Variants in RALYL observed in about 807,000 individuals in gnomAD.
The protein encoded by RALYL is RALY RNA binding protein like.
In RALYL, 29 loss-of-function variants were observed where a neutral mutation model predicts 35.1. That is an observed-to-expected ratio of 0.83 (90% CI 0.61 to 1.13). The LOEUF (loss-of-function observed/expected upper bound fraction) is 1.13. RALYL is among the 50% of genes most tolerant of loss of function. RALYL has a pLI of 0.00. For missense variants in RALYL, 359 were observed against 360.4 expected (o/e 1.00, Z 0.03); for synonymous variants, 120 against 127.6 (o/e 0.94, Z 0.40).
chr8:84,467,801 G>T (rs1041771397), intron 1 of RALYL, among the ~76,000 whole-genome samples: 2 of 142,644 alleles, frequency 1.4e-5, no homozygotes, highest in Non-Finnish European at 3.1e-5. Context: ...GGTCACTCAG[G>T]ACTTGCTTTA....
chr8:84,219,265 A>G (rs1484929565), intron 1 of RALYL, among the ~76,000 whole-genome samples: 1 of 152,018 alleles, frequency 6.6e-6, no homozygotes, highest in Non-Finnish European at 1.5e-5. Context: ...AGTTCTCACA[A>G]GAACTGATGG....
At chr8:84,262,590 A>T (rs1031970249) in intron 1 of RALYL, among the ~76,000 whole-genome samples, 1 of 152,190 alleles carries the variant, frequency 6.6e-6, no homozygotes, top group Non-Finnish European at 1.5e-5. Context: ...CCTGTTCTGT[A>T]AAATAACTGG....
chr8:84,229,325 C>T (rs946622612), intron 1 of RALYL, among the ~76,000 whole-genome samples: 1 of 152,136 alleles, frequency 6.6e-6, no homozygotes, highest in African/African-American at 2.4e-5. Flanking sequence ...AGCAAGATTT[C>T]ACAGAGGCAG....
intron 1 of RALYL, among the ~76,000 whole-genome samples, chr8:84,400,070 C>A (rs547456337): frequency 1.3e-5 from 2 of 152,064 alleles, no homozygotes; most frequent in East Asian, 3.9e-4. Context: ...GAGTCAAGAT[C>A]GTGCCACTGC....
At chr8:84,518,296 G>T (rs1379015276) in intron 1 of RALYL, among the ~76,000 whole-genome samples, 1 of 151,966 alleles carries the variant, frequency 6.6e-6, no homozygotes, top group Non-Finnish European at 1.5e-5. Flanking sequence ...ACATTTCTTA[G>T]AATTTTCCAA....
intron 2 of RALYL, among the ~76,000 whole-genome samples, chr8:84,720,401 G>T (rs549822898): frequency 6.6e-6 from 1 of 152,260 alleles, no homozygotes; most frequent in African/African-American, 2.4e-5. Context: ...ATGTAGTGGG[G>T]AAAAGACAAC....
intron 2 of RALYL, among the ~76,000 whole-genome samples, chr8:84,624,413 G>C (rs992471370): frequency 6.6e-6 from 1 of 152,112 alleles, no homozygotes; most frequent in Non-Finnish European, 1.5e-5. Flanking sequence ...TGTCTTTTCT[G>C]ATTTTTAAAG....
chr8:84,874,828 T>C (rs533938401), intron 7 of RALYL, among the ~76,000 whole-genome samples: 1 of 152,326 alleles, frequency 6.6e-6, no homozygotes, highest in African/African-American at 2.4e-5. Flanking sequence ...GTAAACTATA[T>C]AGCACAGAGT....
At chr8:84,478,213 T>C (rs2053638224) in intron 1 of RALYL, among the ~76,000 whole-genome samples, 1 of 152,134 alleles carries the variant, frequency 6.6e-6, no homozygotes, top group Non-Finnish European at 1.5e-5. Flanking sequence ...GTAATGTTTA[T>C]GTCTTAATGA....
intron 4 of RALYL, among the ~76,000 whole-genome samples, chr8:84,822,360 T>C (rs1459190552): frequency 6.6e-6 from 1 of 152,140 alleles, no homozygotes; most frequent in East Asian, 1.9e-4. Flanking sequence ...AAAGCATTCA[T>C]TCCTAATTAA....
chr8:84,328,066 GCTGT>G (rs1235432189), intron 1 of RALYL, among the ~76,000 whole-genome samples: 1 of 152,144 alleles, frequency 6.6e-6, no homozygotes, highest in Non-Finnish European at 1.5e-5. Flanking sequence ...AGTTTTTGAG[GCTGT>G]CTTTCATAGT....
At chr8:84,409,075 C>T (rs1209664947) in intron 1 of RALYL, among the ~76,000 whole-genome samples, 1 of 151,876 alleles carries the variant, frequency 6.6e-6, no homozygotes, top group East Asian at 1.9e-4. Flanking sequence ...GTAATTTTGA[C>T]CTCCCCAAGT....
At chr8:84,423,036 G>C (rs1474453009) in intron 1 of RALYL, among the ~76,000 whole-genome samples, 2 of 150,120 alleles carry the variant, frequency 1.3e-5, no homozygotes, top group Non-Finnish European at 3.0e-5. Context: ...TTGATTTGGG[G>C]TGGACAGTTC....
rs1478175351 is a variant in RALYL, at chr8:84,584,386, C to T, written c.256+54809C>T. Among the ~76,000 whole-genome samples, 7 of 152,172 alleles carry T rather than the reference C, an allele frequency of 4.6e-5. No individual in the cohort carries two copies. The South Asian group carries it at 1.0e-3, about 23-fold the overall frequency. ...TTGGCAGGCTGAGGCAAGTGGATCA[C>T]GTGGTCAAGAGATAGAGACCACCCT... is the stretch of plus-strand genomic sequence containing the variant. On this transcript the variant is annotated intron_variant, in intron 2 of 8. Coordinates refer to ENST00000521268, the MANE Select transcript of RALYL (RefSeq NM_173848.7).
chr8:84,906,838 C>T (rs1375843562), intron 8 of RALYL: 11 of 442,340 alleles, frequency 2.5e-5, no homozygotes, highest in South Asian at 9.6e-5. Context: ...TGGTTCTCCC[C>T]TCATTAAGTC....
intron 2 of RALYL, among the ~76,000 whole-genome samples, chr8:84,708,325 T>C (rs1267498139): frequency 1.3e-5 from 2 of 152,106 alleles, no homozygotes; most frequent in Admixed American, 1.3e-4. Flanking sequence ...TGAGATTAGT[T>C]ATTTATAATT....
chr8:84,261,937 C>T (rs138365172), intron 1 of RALYL, among the ~76,000 whole-genome samples: 2,516 of 152,112 alleles, frequency 0.017, 24 homozygotes, highest in Middle Eastern at 0.048. Context: ...TGCTCAATTG[C>T]CTTGCAATAG....
At chr8:84,253,431 A>G (rs1040913238) in intron 1 of RALYL, among the ~76,000 whole-genome samples, 14 of 149,908 alleles carry the variant, frequency 9.3e-5, no homozygotes, top group African/African-American at 3.2e-4. Context: ...ACATCTCCCA[A>G]TCTCGTGATC....
chr8:84,666,891 G>T (rs537859591), intron 2 of RALYL, among the ~76,000 whole-genome samples: 17 of 152,164 alleles, frequency 1.1e-4, no homozygotes, highest in Non-Finnish European at 1.5e-5. Context: ...TGTGTGCTGG[G>T]CACTCTGGTG....
Sources: gnomAD v4.1 joint callset for allele counts (sites outside exome capture counted in the v4.1 genomes callset) on GRCh38, gnomAD v4.1.1 for gene constraint, MANE v1.5 for transcripts, NCBI Gene and HGNC (gene_info 2026-07-23, HGNC 2026-07-21) for gene names.